Variants in RPS20 observed in about 807,000 individuals in gnomAD.
The protein encoded by RPS20 is ribosomal protein S20.
A neutral mutation model predicts 15.3 loss-of-function variants in RPS20; 3 were observed. That is an observed-to-expected ratio of 0.20 (90% CI 0.09 to 0.51). The LOEUF (loss-of-function observed/expected upper bound fraction) is 0.51, where lower values mean the gene tolerates loss of function less well. RPS20 is among the 20% of genes least tolerant of loss of function. The probability of loss-of-function intolerance (pLI) is 0.96; values close to 1 mark genes in which losing one functional copy is unlikely to be tolerated. For synonymous variants in RPS20, 62 were observed against 47.8 expected, an observed-to-expected ratio of 1.30 and a Z score of -1.23; for missense variants, 67 against 145.9, an observed-to-expected ratio of 0.46 and a Z score of 2.79.
At chr8:56,071,785 T>A (rs1352242055), downstream of RPS20, among the ~76,000 whole-genome samples, 1 of 152,092 alleles carries the variant, frequency 6.6e-6, no homozygotes, top group Non-Finnish European at 1.5e-5. Flanking sequence ...TAGGCCCAAA[T>A]CCAAAAAGAA....
downstream of RPS20, among the ~76,000 whole-genome samples, chr8:56,072,471 G>C (rs768256253): frequency 1.3e-5 from 2 of 149,446 alleles, no homozygotes; most frequent in Non-Finnish European, 3.0e-5. Flanking sequence ...AGAATTGCTT[G>C]AACCTGGGAG....
rs908975116 is a variant in RPS20 at position 56,074,438 on chromosome 8, G to T, written c.-55C>A. On this transcript the variant is annotated 5_prime_UTR_variant, in exon 1 of 4. Coordinates refer to ENST00000009589, the MANE Select transcript of RPS20 (RefSeq NM_001023.4). ...TTGTTCCTCGGCGAGAGCGAACAGC[G>T]GTGAGTCAGGAGCAGGAGCGTGCGG... The T allele has an allele frequency of 1.1e-5, 17 of 1,541,606 alleles. No individual in the cohort carries two copies. Among genetic ancestry groups the T allele is most frequent in the Non-Finnish European group, 1.4e-5 (16 of 1,149,292 alleles).
At chr8:56,069,655 T>TA (rs1443200224), downstream of RPS20, 1 of 1,247,160 alleles carries the variant, frequency 8.0e-7, no homozygotes, top group South Asian at 1.3e-5. Context: ...GAAGTACAAT[T>TA]AAACAAAAAA....
downstream of RPS20, chr8:56,069,705 G>C: frequency 6.5e-7 from 1 of 1,546,368 alleles, no homozygotes; most frequent in Non-Finnish European, 8.8e-7. Context: ...ACTTATACCT[G>C]CTTGGTCACT....
downstream of RPS20, among the ~76,000 whole-genome samples, chr8:56,068,807 CTTTTTTTTTTTTTTTTTTTTT>C (rs61576194): frequency 0.022 from 623 of 27,710 alleles, 17 homozygotes; most frequent in African/African-American, 0.062. Flanking sequence ...GTGAAAATAT[CTTTTTTTTTTTTTTTTTTTTT>C]TTTTTTTTTT....
At chr8:56,072,908 T>C, downstream of RPS20, 1 of 1,357,052 alleles carries the variant, frequency 7.4e-7, no homozygotes, top group East Asian at 2.7e-5. Context: ...GTTAACGGAA[T>C]CCAGTTTTCA....
intron 2 of RPS20, 46 bp from the exon 3 acceptor site, chr8:56,073,814 T>C (rs1478739236): frequency 1.3e-6 from 2 of 1,561,026 alleles, no homozygotes; most frequent in African/African-American, 1.4e-5. Flanking sequence ...ACAATTAAAA[T>C]CGGCTTAAGG....
rs755111939 is a variant in RPS20 at position 56,074,368 on chromosome 8, A to G, written c.3+13T>C. On this transcript the variant is annotated intron_variant, in intron 1 of 3. Transcript: ENST00000009589. ...CCCTGCGTTGCGCCGCCCGCCGCCG[A>G]CTGCCGCCTCACCATGGCTGTTGCG... is the stretch of plus-strand genomic sequence containing the variant. 2 of 1,556,422 alleles carry G rather than the reference A, an allele frequency of 1.3e-6. No homozygotes were observed. The highest frequency in any genetic ancestry group is 3.7e-5 in the Admixed American group (2 of 54,338).
In RPS20 at chr8:56,073,123, T is replaced by G; in HGVS notation, c.327A>C (p.Gly109=). 1 of 1,597,536 alleles carries G rather than the reference T, an allele frequency of 6.3e-7. No homozygotes were observed. Among genetic ancestry groups the G allele is most frequent in the Non-Finnish European group, 8.5e-7 (1 of 1,179,438 alleles). ...KQITSISIEP[G]VEVEVTIADA is the part of the protein sequence containing the mutation. ...CTGCAATGGTGACTTCCACCTCAAC[T>G]CCTGGCTCAATACTGATGGAAGTAA... Residue 109 remains glycine (G), a synonymous_variant, in exon 4 of 4, where the codon GGA becomes GGC. Transcript: ENST00000009589.
chr8:56,073,654 C>G (rs1436478482), intron 3 of RPS20, 41 bp downstream of exon 3: 9 of 1,529,392 alleles, frequency 5.9e-6, no homozygotes, highest in Non-Finnish European at 8.2e-6. Flanking sequence ...ATGCAACATC[C>G]GGAAGCAACT....
chr8:56,072,557 CCA>C (rs1809794597), downstream of RPS20, among the ~76,000 whole-genome samples: 3 of 146,224 alleles, frequency 2.1e-5, no homozygotes, highest in African/African-American at 7.8e-5. Context: ...GTCCCCCCCC[CCA>C]AAAAAAAAAA....
chr8:56,069,706 C>G (rs1403595510), downstream of RPS20: 5 of 1,548,044 alleles, frequency 3.2e-6, no homozygotes, highest in East Asian at 1.2e-4. Context: ...CTTATACCTG[C>G]TTGGTCACTT....
chr8:56,072,070 T>A (rs1809776774), downstream of RPS20, among the ~76,000 whole-genome samples: 1 of 151,660 alleles, frequency 6.6e-6, no homozygotes, highest in Admixed American at 6.6e-5. Flanking sequence ...TGGCAAAACC[T>A]CACCTCTACA....
intron 3 of RPS20, 53 bp from the exon 4 acceptor site, chr8:56,073,325 A>G (rs958542903): frequency 6.2e-6 from 7 of 1,125,142 alleles, no homozygotes; most frequent in African/African-American, 4.6e-5. Flanking sequence ...ACTTATCCCT[A>G]GAACATCTGG....
downstream of RPS20, among the ~76,000 whole-genome samples, chr8:56,072,396 T>C (rs190463799): frequency 6.6e-6 from 1 of 151,438 alleles, no homozygotes; most frequent in Non-Finnish European, 1.5e-5. Context: ...TACTATAAAA[T>C]AAAAAATTAA....
At chr8:56,068,807 CTTTTTTTTTTTTTTTT>C (rs61576194), downstream of RPS20, among the ~76,000 whole-genome samples, 95 of 27,676 alleles carry the variant, frequency 3.4e-3, no homozygotes, top group East Asian at 4.7e-3. Flanking sequence ...GTGAAAATAT[CTTTTTTTTTTTTTTTT>C]TTTTTTTTTT....
chr8:56,071,011 C>T (rs1039667598), downstream of RPS20, among the ~76,000 whole-genome samples: 10 of 152,184 alleles, frequency 6.6e-5, no homozygotes, highest in African/African-American at 2.4e-4. Flanking sequence ...TATTTCCATG[C>T]AGGTATTTTT....
chr8:56,073,052 AG>A, downstream of RPS20: 2 of 1,582,246 alleles, frequency 1.3e-6, no homozygotes, highest in Non-Finnish European at 1.7e-6. Context: ...AACCAACAGA[AG>A]TTAACAACTG....
chr8:56,074,251 C>A, intron 1 of RPS20, 92 bp from the exon 2 acceptor site: 2 of 1,529,584 alleles, frequency 1.3e-6, no homozygotes, highest in Non-Finnish European at 1.8e-6. Flanking sequence ...CGCGTTTCCC[C>A]ACCATTTCAG....
Sources: gnomAD v4.1 joint callset for allele counts (sites outside exome capture counted in the v4.1 genomes callset) on GRCh38, gnomAD v4.1.1 for gene constraint, MANE v1.5 for transcripts, NCBI Gene and HGNC (gene_info 2026-07-23, HGNC 2026-07-21) for gene names.